APLNR: variants seen among roughly 807,000 people sequenced by gnomAD.
The protein encoded by APLNR is apelin receptor, also known as APJ (apelin) receptor.
APLNR carries 13 observed loss-of-function variants against 23.4 expected under a neutral mutation model. That is an observed-to-expected ratio of 0.56 (90% CI 0.36 to 0.88). The LOEUF (loss-of-function observed/expected upper bound fraction) is 0.88, where lower values mean the gene tolerates loss of function less well. APLNR is among the 40% of genes least tolerant of loss of function. The pLI, the probability that APLNR is intolerant of heterozygous loss-of-function variation, is 0.01. For synonymous variants in APLNR, 234 were observed against 211.9 expected, an observed-to-expected ratio of 1.10 and a Z score of -0.91; for missense variants, 480 against 517.1, an observed-to-expected ratio of 0.93 and a Z score of 0.70.
At position 57,236,144 on chromosome 11, in the gene APLNR, GAGGAAGAGGTCAAAGTCAC is replaced by G. The variant is rs1565194202; in HGVS notation, c.842_860del (p.Cys281SerfsTer2). On this transcript the variant is annotated frameshift_variant, in exon 1 of 1. Coordinates refer to ENST00000606794, the MANE Select transcript of APLNR (RefSeq NM_005161.6). LOFTEE classifies it high-confidence loss of function. ...AGGTGCAGTAGGGGAAGATGTTCAT[GAGGAAGAGGTCAAAGTCAC>G]AGGGCCAGTGCAGCAGGCTGCCCAG... The G allele has an allele frequency of 6.2e-7, 1 of 1,614,194 alleles. No homozygotes were observed. Among genetic ancestry groups the G allele is most frequent in the Admixed American group, 1.7e-5 (1 of 60,028 alleles).
chr11:57,236,451 T>C lies in APLNR; in HGVS notation c.554A>G (p.Tyr185Cys). 1 of 1,613,978 alleles carries C rather than the reference T, an allele frequency of 6.2e-7. No individual in the cohort carries two copies. Among genetic ancestry groups the C allele is most frequent in the South Asian group, 1.1e-5 (1 of 91,060 alleles). Residue 185 changes from tyrosine to cysteine, a missense_variant, in exon 1 of 1, where the codon TAC becomes TGC. Physicochemically the swap from Tyr to Cys is radical, Grantham distance 194. Coordinates refer to ENST00000606794, the MANE Select transcript of APLNR (RefSeq NM_005161.6). ...TGAGCTCACAGTGGCCACCATGGAGTAGTCCATGTAGCACTGCACCTTAGT... is the reference window on the plus strand; with the variant it reads ...TGAGCTCACAGTGGCCACCATGGAGCAGTCCATGTAGCACTGCACCTTAGT... ...NTTKVQCYMD[Y>C]SMVATVSSEW...
Position 57,236,724 on chromosome 11 carries a change from T to G in APLNR, c.281A>C (p.Asp94Ala), listed in dbSNP as rs760167700. Residue 94 changes from aspartate (D) to alanine (A), a missense_variant, in exon 1 of 1, where the codon GAC becomes GCC. By Grantham distance (126) the Asp-to-Ala change is moderately radical. Coordinates refer to ENST00000606794, the MANE Select transcript of APLNR (RefSeq NM_005161.6). ...GCAGAAGAAGGTCCCAAAGGGCCAG[T>G]CATAGTCCCGGTACGTGTAGGTAGC... ...LWATYTYRDY[D>A]WPFGTFFCKL... 1 of 1,613,688 alleles carries G rather than the reference T, an allele frequency of 6.2e-7. No individual in the cohort carries two copies. Among genetic ancestry groups the G allele is most frequent in the Non-Finnish European group, 8.5e-7 (1 of 1,180,028 alleles).
Position 57,236,075 on chromosome 11 carries a change from G to T in APLNR, c.930C>A (p.Ala310=). The change falls in exon 1 of 1, where the codon GCC becomes GCA. Residue 310 remains alanine (A), a synonymous_variant. Coordinates refer to ENST00000606794, the MANE Select transcript of APLNR (RefSeq NM_005161.6). The part of the protein sequence containing the change: ...VNSCLNPFLY[A]FFDPRFRQAC... ...CCTGGCGGAAGCGGGGGTCGAAAAA[G>T]GCATAGAGGAAGGGGTTGAGGCAGC... 6.2e-7 allele frequency: 1 copy of T among 1,614,218 alleles called. No homozygotes were observed. The highest frequency in any genetic ancestry group is 8.5e-7 in the Non-Finnish European group (1 of 1,180,036).
rs1854976330 is a variant in APLNR, at chr11:57,234,335, G to A, written c.*1527C>T. The A allele has an allele frequency of 6.6e-6, 1 of 152,264 alleles. No individual in the cohort carries two copies. Among genetic ancestry groups the A allele is most frequent in the Admixed American group, 6.5e-5 (1 of 15,276 alleles). The allele number at this position is 152,264 out of a possible 1,614,324, so 9.4% of individuals were successfully genotyped here. A position where few individuals can be genotyped will look rare whatever the true frequency, so the allele number is the denominator to read the frequency against. On this transcript the variant is annotated 3_prime_UTR_variant, in exon 1 of 1. Transcript: ENST00000606794. ...TGAGGGCAATGCTCATAAATTTGAAGCCAGGCGGGGAGGCACCGGAAAGGG... is the reference window on the plus strand; with the variant it reads ...TGAGGGCAATGCTCATAAATTTGAAACCAGGCGGGGAGGCACCGGAAAGGG...
At position 57,234,511 on chromosome 11, in the gene APLNR, G is replaced by A. The variant is rs1051026691; in HGVS notation, c.*1351C>T. The A allele has an allele frequency of 3.3e-5, 5 of 152,324 alleles. No homozygotes were observed. Among genetic ancestry groups the A allele is most frequent in the African/African-American group, 9.6e-5 (4 of 41,558 alleles). The allele number at this position is 152,324 out of a possible 1,614,324, so 9.4% of individuals were successfully genotyped here. A position where few individuals can be genotyped will look rare whatever the true frequency, so the allele number is the denominator to read the frequency against. ...GAAGCCTGGTGCAAACATTAACTTC[G>A]CTCCTAAAGCACGGACCAGCCGTTG... is the stretch of plus-strand genomic sequence containing the variant. On this transcript the variant is annotated 3_prime_UTR_variant, in exon 1 of 1. Transcript: ENST00000606794.
At position 57,235,337 on chromosome 11, in the gene APLNR, T is replaced by C. The variant is rs1019700209; in HGVS notation, c.*525A>G. 6.6e-6 allele frequency: 1 copy of C among 152,544 alleles called. No individual in the cohort carries two copies. Among genetic ancestry groups the C allele is most frequent in the African/African-American group, 2.4e-5 (1 of 41,150 alleles). 9.4% of individuals were successfully genotyped at this position (152,544 alleles called of 1,614,324 possible). A position where few individuals can be genotyped will look rare whatever the true frequency, so the allele number is the denominator to read the frequency against. On this transcript the variant is annotated 3_prime_UTR_variant, in exon 1 of 1. Coordinates refer to ENST00000606794, the MANE Select transcript of APLNR (RefSeq NM_005161.6). Reference sequence around the variant, plus strand: ...GGGTCAGTCTCTGCAAGCTTTGGGATCCTTAACCCTTAGTAGCCCTTCAGA... The same window carrying C: ...GGGTCAGTCTCTGCAAGCTTTGGGACCCTTAACCCTTAGTAGCCCTTCAGA...
At position 57,235,756 on chromosome 11, in the gene APLNR, A is replaced by T; in HGVS notation, c.*106T>A. On this transcript the variant is annotated 3_prime_UTR_variant, in exon 1 of 1. Coordinates refer to ENST00000606794, the MANE Select transcript of APLNR (RefSeq NM_005161.6). Reference sequence around the variant, plus strand: ...GGCGGGGCAGAATCAGGGGACAGTTAAAGGATGTGCATAGGACAAGGAGTA... The same window carrying T: ...GGCGGGGCAGAATCAGGGGACAGTTTAAGGATGTGCATAGGACAAGGAGTA... 3 of 1,292,360 alleles carry T rather than the reference A, an allele frequency of 2.3e-6. No individual in the cohort carries two copies. Among genetic ancestry groups the T allele is most frequent in the Non-Finnish European group, 3.2e-6 (3 of 940,446 alleles). 80.1% of individuals were successfully genotyped at this position (1,292,360 alleles called of 1,614,324 possible).
In APLNR at chr11:57,234,745, C is replaced by T. The variant is rs908639656; in HGVS notation, c.*1117G>A. ...CATCCATATAGACATATAAGTACAA[C>T]ACACACAGACAAGAGGCAGGCATCT... On this transcript the variant is annotated 3_prime_UTR_variant, in exon 1 of 1. Coordinates refer to ENST00000606794, the MANE Select transcript of APLNR (RefSeq NM_005161.6). 2 of 87,590 alleles carry T rather than the reference C, an allele frequency of 2.3e-5. No homozygotes were observed. Among genetic ancestry groups the T allele is most frequent in the Non-Finnish European group, 5.5e-5 (2 of 36,408 alleles). The allele number at this position is 87,590 out of a possible 1,614,324, so 5.4% of individuals were successfully genotyped here.
In APLNR at chr11:57,236,534, G is replaced by A. The variant is rs765066103; in HGVS notation, c.471C>T (p.Ala157=). 2.6e-5 allele frequency: 42 copies of A among 1,613,984 alleles called. No individual in the cohort carries two copies. Among genetic ancestry groups the A allele is most frequent in the Non-Finnish European group, 3.1e-5 (36 of 1,180,016 alleles). ...AVATAVLWVL[A]ALLAMPVMVL... ...CCATGACAGGCATGGCCAGGAGGGC[G>A]GCCAGCACCCAAAGAACTGCCGTGG... is the stretch of plus-strand genomic sequence containing the variant. Residue 157 remains alanine, a synonymous_variant, in exon 1 of 1, where the codon GCC becomes GCT. Transcript: ENST00000606794.
chr11:57,237,069 C>T lies in APLNR; in HGVS notation c.-65G>A. ...ACACCAGCTCCGTGGCTCTGTCACC[C>T]ACTCTGCAAGCAGCCTGAATTTCTG... On this transcript the variant is annotated 5_prime_UTR_variant, in exon 1 of 1. Transcript: ENST00000606794. 1 of 1,488,964 alleles carries T rather than the reference C, an allele frequency of 6.7e-7. No individual in the cohort carries two copies. The highest frequency in any genetic ancestry group is 9.0e-7 in the Non-Finnish European group (1 of 1,110,072). 92.2% of individuals were successfully genotyped at this position (1,488,964 alleles called of 1,614,324 possible). A position where few individuals can be genotyped will look rare whatever the true frequency, so the allele number is the denominator to read the frequency against.
Position 57,236,967 on chromosome 11 carries a change from G to T in APLNR, c.38C>A (p.Ala13Glu). The T allele has an allele frequency of 6.2e-7, 1 of 1,608,364 alleles. No individual in the cohort carries two copies. Among genetic ancestry groups the T allele is most frequent in the African/African-American group, 1.3e-5 (1 of 74,968 alleles). ...EGGDFDNYYG[A>E]DNQSECEYTD... ...GTACTCACACTCAGACTGGTTGTCTGCCCCATAGTAGTTGTCAAAATCACC... is the reference window on the plus strand; with the variant it reads ...GTACTCACACTCAGACTGGTTGTCTTCCCCATAGTAGTTGTCAAAATCACC... The change falls in exon 1 of 1, where the codon GCA (alanine) becomes GAA (glutamate). Residue 13 changes from alanine (A) to glutamate (E), a missense_variant. Transcript: ENST00000606794.
At position 57,236,814 on chromosome 11, in the gene APLNR, G is replaced by C. The variant is rs756545642; in HGVS notation, c.191C>G (p.Ala64Gly). 1 of 1,614,234 alleles carries C rather than the reference G, an allele frequency of 6.2e-7. No individual in the cohort carries two copies. The highest frequency in any genetic ancestry group is 1.7e-5 in the Admixed American group (1 of 60,034). The change falls in exon 1 of 1, where the codon GCT (alanine) becomes GGT (glycine). Residue 64 changes from alanine to glycine, a missense_variant. Physicochemically the swap from Ala to Gly is moderately conservative, Grantham distance 60. Transcript: ENST00000606794. ...FRSSREKRRS[A>G]DIFIASLAVA... Reference sequence around the variant, plus strand: ...CGCCAGGCTAGCAATGAAGATATCAGCTGAGCGCCTCTTCTCCCGGCTGCT... The same window carrying C: ...CGCCAGGCTAGCAATGAAGATATCACCTGAGCGCCTCTTCTCCCGGCTGCT...
In APLNR at chr11:57,236,193, T is replaced by C; in HGVS notation, c.812A>G (p.Tyr271Cys). 2 of 1,614,112 alleles carry C rather than the reference T, an allele frequency of 1.2e-6. No homozygotes were observed. Among genetic ancestry groups the C allele is most frequent in the Non-Finnish European group, 1.7e-6 (2 of 1,180,010 alleles). ...CCAGTGCAGCAGGCTGCCCAGCATG[T>C]ACAGCGTCTTCACCAGGTGGTAGGG... is the stretch of plus-strand genomic sequence containing the variant. ...WMPYHLVKTL[Y>C]MLGSLLHWPC... Residue 271 changes from tyrosine (Y) to cysteine (C), a missense_variant, in exon 1 of 1, where the codon TAC (tyrosine) becomes TGC (cysteine). Coordinates refer to ENST00000606794, the MANE Select transcript of APLNR (RefSeq NM_005161.6).
chr11:57,235,669 C>T lies in APLNR; in HGVS notation c.*193G>A. 1 of 646,870 alleles carries T rather than the reference C, an allele frequency of 1.5e-6. No individual in the cohort carries two copies. Among genetic ancestry groups the T allele is most frequent in the Non-Finnish European group, 2.6e-6 (1 of 389,080 alleles). The allele number at this position is 646,870 out of a possible 1,614,324, so 40.1% of individuals were successfully genotyped here. A position where few individuals can be genotyped will look rare whatever the true frequency, so the allele number is the denominator to read the frequency against. On this transcript the variant is annotated 3_prime_UTR_variant, in exon 1 of 1. Coordinates refer to ENST00000606794, the MANE Select transcript of APLNR (RefSeq NM_005161.6). ...CTTGTGCAGGGTCAGGTCTGTAGAG[C>T]CCAGTCTCTTTCCCCTAAACCACAA...
rs202019294 is a variant in APLNR, at chr11:57,236,394, G to C, written c.611C>G (p.Ser204Trp). The C allele has an allele frequency of 1.2e-6, 2 of 1,614,094 alleles. 1 individual carries two copies. The highest frequency in any genetic ancestry group is 1.7e-6 in the Non-Finnish European group (2 of 1,179,950). ...CACCACAAAGCCCACGGTGGTGGAC[G>C]AGACCCCAAGGCCCACCTCCCAGGC... ...EWAWEVGLGV[S>W]STTVGFVVPF... Residue 204 changes from serine (S) to tryptophan (W), a missense_variant, in exon 1 of 1, where the codon TCG becomes TGG. By Grantham distance (177) the Ser-to-Trp change is radical. Coordinates refer to ENST00000606794, the MANE Select transcript of APLNR (RefSeq NM_005161.6).
Position 57,236,954 on chromosome 11 carries a change from A to T in APLNR, c.51T>A (p.Ser17=), listed in dbSNP as rs772674630. 1 of 1,612,034 alleles carries T rather than the reference A, an allele frequency of 6.2e-7. No homozygotes were observed. Among genetic ancestry groups the T allele is most frequent in the East Asian group, 2.2e-5 (1 of 44,858 alleles). Residue 17 remains serine (S), a synonymous_variant, in exon 1 of 1, where the codon TCT becomes TCA. Transcript: ENST00000606794. ...FDNYYGADNQ[S]ECEYTDWKSS... ...ATTTCCAGTCTGTGTACTCACACTC[A>T]GACTGGTTGTCTGCCCCATAGTAGT...
At position 57,237,035 on chromosome 11, in the gene APLNR, G is replaced by A. The variant is rs1186823517; in HGVS notation, c.-31C>T. ...GGAGTGGAGAGAAGACGGGCAGAGGGTCCCAGGGACACCAGCTCCGTGGCT... is the reference window on the plus strand; with the variant it reads ...GGAGTGGAGAGAAGACGGGCAGAGGATCCCAGGGACACCAGCTCCGTGGCT... On this transcript the variant is annotated 5_prime_UTR_variant, in exon 1 of 1. Coordinates refer to ENST00000606794, the MANE Select transcript of APLNR (RefSeq NM_005161.6). 1 of 1,535,658 alleles carries A rather than the reference G, an allele frequency of 6.5e-7. No homozygotes were observed. The highest frequency in any genetic ancestry group is 2.3e-5 in the East Asian group (1 of 44,252).
Position 57,236,530 on chromosome 11 carries a change from G to A in APLNR, c.475C>T (p.Leu159Phe), listed in dbSNP as rs760691556. Reference protein sequence around the residue: ...ATAVLWVLAALLAMPVMVLRT... With the variant: ...ATAVLWVLAAFLAMPVMVLRT... ...AACACCATGACAGGCATGGCCAGGA[G>A]GGCGGCCAGCACCCAAAGAACTGCC... The change falls in exon 1 of 1, where the codon CTC (leucine) becomes TTC (phenylalanine). Residue 159 changes from leucine (L) to phenylalanine (F), a missense_variant. Leu to Phe is a conservative substitution (Grantham distance 22). Transcript: ENST00000606794. The A allele has an allele frequency of 6.2e-7, 1 of 1,614,178 alleles. No individual in the cohort carries two copies. The highest frequency in any genetic ancestry group is 8.5e-7 in the Non-Finnish European group (1 of 1,180,036).
chr11:57,236,143 T>C lies in APLNR; in HGVS notation c.862A>G (p.Met288Val). 1.9e-6 allele frequency: 3 copies of C among 1,614,106 alleles called. No homozygotes were observed. Among genetic ancestry groups the C allele is most frequent in the South Asian group, 2.2e-5 (2 of 91,080 alleles). ...HWPCDFDLFLMNIFPYCTCIS... is the reference protein window; with the variant it reads ...HWPCDFDLFLVNIFPYCTCIS... ...CAGGTGCAGTAGGGGAAGATGTTCA[T>C]GAGGAAGAGGTCAAAGTCACAGGGC... The change falls in exon 1 of 1, where the codon ATG becomes GTG. Residue 288 changes from methionine to valine, a missense_variant. Met to Val is a conservative substitution (Grantham distance 21). Coordinates refer to ENST00000606794, the MANE Select transcript of APLNR (RefSeq NM_005161.6).
Sources: allele counts gnomAD v4.1 joint callset, GRCh38; gene constraint gnomAD v4.1.1; transcripts MANE v1.5; gene names NCBI Gene and HGNC (gene_info 2026-07-23, HGNC 2026-07-21).